XIRP2: variants seen among roughly 807,000 people sequenced by gnomAD.
The protein encoded by XIRP2 is xin actin binding repeat containing 2.
XIRP2 carries 236 observed loss-of-function variants against 277.0 expected under a neutral mutation model. The observed-to-expected ratio is 0.85, with a 90% CI of 0.77 to 0.95. The LOEUF (loss-of-function observed/expected upper bound fraction) is 0.95. Ranked by LOEUF, XIRP2 falls within the 40% of genes least tolerant of loss-of-function variation. The pLI is 0.00. For synonymous variants in XIRP2, 1,490 were observed against 1,416.5 expected, an observed-to-expected ratio of 1.05 and a Z score of -1.17; for missense variants, 4,640 against 4,157.5, an observed-to-expected ratio of 1.12 and a Z score of -3.19.
At chr2:166,891,987 G>T (rs1233295693) in intron 1 of XIRP2, among the ~76,000 whole-genome samples, 1 of 152,124 alleles carries the variant, frequency 6.6e-6, no homozygotes, top group Admixed American at 6.6e-5. Context: ...TGAACCTTCA[G>T]CTTGCCGATG....
At position 167,242,976 on chromosome 2, in the gene XIRP2, A is replaced by T. The variant is rs1371761122; in HGVS notation, c.1584A>T (p.Gln528His). 6.2e-7 allele frequency: 1 copy of T among 1,614,006 alleles called. No homozygotes were observed. The highest frequency in any genetic ancestry group is 2.2e-5 in the East Asian group (1 of 44,864). Residue 528 changes from glutamine (Q) to histidine (H), a missense_variant, in exon 9 of 11, where the codon CAA (glutamine) becomes CAT (histidine). Transcript: ENST00000409195. The part of the protein sequence containing the change: ...ISEVSEIVSS[Q>H]MNSGSSVSAD... Reference sequence around the variant, plus strand: ...AAGTTTCTGAGATTGTTTCTAGTCAAATGAACTCAGGGAGTTCAGTCTCAG... The same window carrying T: ...AAGTTTCTGAGATTGTTTCTAGTCATATGAACTCAGGGAGTTCAGTCTCAG...
At chr2:167,159,380 G>A (rs537963064) in intron 3 of XIRP2, among the ~76,000 whole-genome samples, 189 of 152,248 alleles carry the variant, frequency 1.2e-3, no homozygotes, top group Middle Eastern at 3.4e-3. Context: ...TAATTGCTAC[G>A]TTGGCATATC....
chr2:167,223,652 T>A (rs1694499170), intron 5 of XIRP2, among the ~76,000 whole-genome samples: 1 of 152,174 alleles, frequency 6.6e-6, no homozygotes, highest in Non-Finnish European at 1.5e-5. Flanking sequence ...CTCATCTAAG[T>A]CCTTTAAACC....
intron 3 of XIRP2, among the ~76,000 whole-genome samples, chr2:167,191,758 A>G (rs1693342301): frequency 6.6e-6 from 1 of 152,212 alleles, no homozygotes. Context: ...GCCTTCAAGT[A>G]GATCTTTGTC....
At position 167,258,962 on chromosome 2, in the gene XIRP2, A is replaced by G. The variant is rs747698874; in HGVS notation, c.*1145A>G. On this transcript the variant is annotated 3_prime_UTR_variant, in exon 11 of 11. Transcript: ENST00000409195. ...AAAACCAAGCCTCAGCAGAGGCCTT[A>G]TGGTAAAGGGGGGAAGTTCAATCAT... 35 of 1,612,616 alleles carry G rather than the reference A, an allele frequency of 2.2e-5. No individual in the cohort carries two copies. Among genetic ancestry groups the G allele is most frequent in the Middle Eastern group, 1.6e-4 (1 of 6,066 alleles).
At chr2:167,044,393 A>C (rs981092836) in intron 2 of XIRP2, among the ~76,000 whole-genome samples, 2 of 152,086 alleles carry the variant, frequency 1.3e-5, no homozygotes, top group African/African-American at 2.4e-5. Flanking sequence ...CACCGCTCCT[A>C]TTAAACATAG....
At chr2:167,177,898 G>T (rs1025989959) in intron 3 of XIRP2, among the ~76,000 whole-genome samples, 2 of 152,020 alleles carry the variant, frequency 1.3e-5, no homozygotes, top group Admixed American at 1.3e-4. Flanking sequence ...TCTAATAGAA[G>T]AATTCTGGAA....
At chr2:167,252,768 T>G (rs73012057) in intron 9 of XIRP2, among the ~76,000 whole-genome samples, 2,779 of 152,058 alleles carry the variant, frequency 0.018, 51 homozygotes, top group African/African-American at 0.046. Context: ...ATCATTAGTT[T>G]AGTCCATTCT....
intron 2 of XIRP2, among the ~76,000 whole-genome samples, chr2:166,938,061 ATTTTTTGAAGGG>A (rs1157470898): frequency 1.3e-5 from 2 of 151,968 alleles, no homozygotes; most frequent in African/African-American, 2.4e-5. Context: ...GGATTCATTG[ATTTTTTGAAGGG>A]TTTTTTGTGT....
chr2:166,899,057 C>A (rs761009364), intron 1 of XIRP2, among the ~76,000 whole-genome samples: 1 of 151,960 alleles, frequency 6.6e-6, no homozygotes, highest in African/African-American at 2.4e-5. Flanking sequence ...TTGTCTTCTC[C>A]GTTCCCTCTG....
intron 3 of XIRP2, among the ~76,000 whole-genome samples, chr2:167,143,867 C>T (rs1013317678): frequency 1.3e-5 from 2 of 151,898 alleles, no homozygotes; most frequent in Non-Finnish European, 2.9e-5. Flanking sequence ...AAAGCCACTA[C>T]ATAAATTAGC....
intron 2 of XIRP2, among the ~76,000 whole-genome samples, chr2:167,019,329 C>T (rs1687920219): frequency 6.6e-6 from 1 of 151,760 alleles, no homozygotes; most frequent in African/African-American, 2.4e-5. Context: ...ACTCTGATTA[C>T]AAAGAATAGC....
At chr2:167,228,941 A>G (rs1440142713) in intron 5 of XIRP2, among the ~76,000 whole-genome samples, 1 of 152,150 alleles carries the variant, frequency 6.6e-6, no homozygotes, top group Non-Finnish European at 1.5e-5. Flanking sequence ...TTACAGATAC[A>G]TCCTTCACTC....
intron 2 of XIRP2, among the ~76,000 whole-genome samples, chr2:167,127,302 C>T (rs975397726): frequency 3.3e-5 from 5 of 152,158 alleles, no homozygotes; most frequent in African/African-American, 1.2e-4. Context: ...TAGAGTTGTG[C>T]ATCTATCATG....
intron 2 of XIRP2, among the ~76,000 whole-genome samples, chr2:166,913,259 C>T (rs1483818872): frequency 2.0e-5 from 3 of 151,702 alleles, no homozygotes; most frequent in Admixed American, 6.6e-5. Context: ...CCACCCAGTT[C>T]GAGCTTCCTG....
intron 2 of XIRP2, among the ~76,000 whole-genome samples, chr2:167,003,702 A>G (rs912137014): frequency 1.3e-5 from 2 of 151,972 alleles, no homozygotes; most frequent in Non-Finnish European, 2.9e-5. Context: ...TTTAAATGTT[A>G]TACTTTATTC....
In XIRP2 at chr2:167,193,879, C is replaced by CAAA. The variant is rs767047580; in HGVS notation, c.563-16837_563-16835dup. On this transcript the variant is annotated intron_variant, in intron 3 of 10. Transcript: ENST00000409195. The stretch of plus-strand genomic sequence containing the variant: ...GGTGACACAGTATGAGACTCTGTCT[C>CAAA]AAAAAAAAAAAAAAAAAAAAATTCA... Among the ~76,000 whole-genome samples, 810 of 71,708 alleles carry CAAA rather than the reference C, an allele frequency of 0.011. 24 individuals are homozygous for CAAA. In the East Asian group the frequency reaches 0.12, roughly 11 times the overall value. The allele number at this position is 71,708 out of a possible 152,430, so 47.0% of individuals were successfully genotyped here.
chr2:166,969,249 G>C (rs1457814387), intron 2 of XIRP2, among the ~76,000 whole-genome samples: 1 of 151,892 alleles, frequency 6.6e-6, no homozygotes, highest in Non-Finnish European at 1.5e-5. Context: ...AAGAGGATGA[G>C]GTCAATTCTA....
intron 8 of XIRP2, 78 bp downstream of exon 8, chr2:167,241,988 T>A: frequency 6.9e-7 from 1 of 1,448,854 alleles, no homozygotes; most frequent in Non-Finnish European, 9.1e-7. Context: ...AATTATTGAA[T>A]ACTTGAGGTG....
Sources: allele counts gnomAD v4.1 joint callset (sites outside exome capture counted in the v4.1 genomes callset), GRCh38; gene constraint gnomAD v4.1.1; transcripts MANE v1.5; gene names NCBI Gene and HGNC (gene_info 2026-07-23, HGNC 2026-07-21).